RAI14: variants seen among roughly 807,000 people sequenced by gnomAD.
RAI14 encodes retinoic acid induced 14.
A neutral mutation model predicts 115.4 loss-of-function variants in RAI14; 45 were observed. The observed-to-expected ratio is 0.39, with a 90% CI of 0.31 to 0.50. The LOEUF (loss-of-function observed/expected upper bound fraction) is 0.50. Among genes scored for constraint, RAI14 ranks in the 20% least tolerant of loss-of-function variants. The pLI is 0.85. For missense variants in RAI14, 939 were observed against 1,131.2 expected, an observed-to-expected ratio of 0.83 and a Z score of 2.44; for synonymous variants, 371 against 415.4, an observed-to-expected ratio of 0.89 and a Z score of 1.30.
At chr5:34,804,980 A>C (rs965135102) in intron 5 of RAI14, among the ~76,000 whole-genome samples, 1 of 152,198 alleles carries the variant, frequency 6.6e-6, no homozygotes, top group Non-Finnish European at 1.5e-5. Context: ...GACAAGCTGG[A>C]TGTTCTCGTG....
chr5:34,802,110 GC>G (rs1754343675), intron 4 of RAI14, among the ~76,000 whole-genome samples: 1 of 152,124 alleles, frequency 6.6e-6, no homozygotes, highest in Admixed American at 6.5e-5. Flanking sequence ...GCTTGATATT[GC>G]CCCCCAGGGG....
chr5:34,799,528 ACACACACACAC>A (rs775630815), intron 4 of RAI14, among the ~76,000 whole-genome samples: 2,956 of 97,914 alleles, frequency 0.03, 92 homozygotes, highest in African/African-American at 0.075. Context: ...ACACACACAC[ACACACACACAC>A]AAAACCACCT....
At chr5:34,773,114 GT>G in intron 3 of RAI14, among the ~76,000 whole-genome samples, 1 of 152,024 alleles carries the variant, frequency 6.6e-6, no homozygotes, top group Non-Finnish European at 1.5e-5. Context: ...GGCTAAGTTT[GT>G]TTTCAAACAA....
intron 2 of RAI14, among the ~76,000 whole-genome samples, chr5:34,742,695 A>C (rs113820394): frequency 0.035 from 5,287 of 151,854 alleles, 271 homozygotes; most frequent in African/African-American, 0.12. Context: ...ATGGAGTCTC[A>C]CTCTGTCGCC....
chr5:34,773,995 T>A (rs1750515595), intron 3 of RAI14, among the ~76,000 whole-genome samples: 1 of 152,166 alleles, frequency 6.6e-6, no homozygotes, highest in South Asian at 2.1e-4. Context: ...AAGTTATTCT[T>A]GTTTGCAGAT....
intron 2 of RAI14, among the ~76,000 whole-genome samples, chr5:34,751,994 C>T (rs576384199): frequency 1.5e-4 from 23 of 152,220 alleles, no homozygotes; most frequent in African/African-American, 5.3e-4. Context: ...TCCAGGGCTC[C>T]ACCCCAGACT....
At chr5:34,779,826 A>G (rs190657451) in intron 3 of RAI14, among the ~76,000 whole-genome samples, 292 of 152,326 alleles carry the variant, frequency 1.9e-3, no homozygotes, top group African/African-American at 6.7e-3. Context: ...TGCCATCCCC[A>G]TCAAGCTACC....
intron 3 of RAI14, among the ~76,000 whole-genome samples, chr5:34,765,192 G>A (rs1749201707): frequency 1.3e-5 from 2 of 152,152 alleles, no homozygotes; most frequent in Admixed American, 6.5e-5. Flanking sequence ...CATGAAAATG[G>A]ACTAACATAG....
chr5:34,712,742 A>G (rs761197601), intron 2 of RAI14, among the ~76,000 whole-genome samples: 8 of 152,190 alleles, frequency 5.3e-5, no homozygotes, highest in Non-Finnish European at 1.2e-4. Context: ...GTTTGTGACA[A>G]ACGGGTTTGG....
chr5:34,736,684 T>A (rs982314395), intron 2 of RAI14, among the ~76,000 whole-genome samples: 1 of 152,176 alleles, frequency 6.6e-6, no homozygotes, highest in African/African-American at 2.4e-5. Flanking sequence ...ATTACAGGCA[T>A]GAGCCATCAT....
intron 2 of RAI14, among the ~76,000 whole-genome samples, chr5:34,744,489 C>T (rs1019374683): frequency 3.9e-5 from 6 of 152,106 alleles, no homozygotes; most frequent in African/African-American, 1.4e-4. Flanking sequence ...TCTCCCTCGC[C>T]CCAGTGACCA....
At chr5:34,808,753 C>A in intron 7 of RAI14, 99 bp downstream of exon 7, 1 of 1,175,812 alleles carries the variant, frequency 8.5e-7, no homozygotes, top group Non-Finnish European at 1.2e-6. Context: ...TAGCAGTCTC[C>A]AACCTTTTTG....
chr5:34,775,038 ATGG>A (rs1321142782), intron 3 of RAI14, among the ~76,000 whole-genome samples: 2 of 152,206 alleles, frequency 1.3e-5, no homozygotes, highest in African/African-American at 4.8e-5. Context: ...TCTTCAGTAA[ATGG>A]TGGTGGGAAA....
At chr5:34,736,738 G>GA (rs1744929348) in intron 2 of RAI14, among the ~76,000 whole-genome samples, 1 of 152,218 alleles carries the variant, frequency 6.6e-6, no homozygotes, top group Non-Finnish European at 1.5e-5. Flanking sequence ...ATAACAGTGA[G>GA]AAAAAACACC....
At chr5:34,796,926 T>C (rs1580291560) in intron 4 of RAI14, among the ~76,000 whole-genome samples, 1 of 152,320 alleles carries the variant, frequency 6.6e-6, no homozygotes, top group East Asian at 1.9e-4. Flanking sequence ...GCCAGTCAAC[T>C]GGTATTTTTT....
intron 2 of RAI14, among the ~76,000 whole-genome samples, chr5:34,755,099 T>C (rs939097141): frequency 2.0e-5 from 3 of 151,270 alleles, no homozygotes; most frequent in Admixed American, 2.0e-4. Flanking sequence ...TTCCCTTTTT[T>C]CTTTGCTTGT....
At position 34,741,829 on chromosome 5, in the gene RAI14, G is replaced by A. The variant is rs368444004; in HGVS notation, c.37-15639G>A. ...AGTTGGCATGGGAAGAGGGAAGAGG[G>A]GAAGTGAAGCAGGGAAGACAAGTTA... On this transcript the variant is annotated intron_variant, in intron 2 of 17. Transcript: ENST00000265109. Among the ~76,000 whole-genome samples the A allele has an allele frequency of 3.3e-5, 5 of 152,110 alleles. No homozygotes were observed. The East Asian group carries it at 9.6e-4, about 29-fold the overall frequency.
intron 2 of RAI14, among the ~76,000 whole-genome samples, chr5:34,752,747 G>GTATATATATA (rs1401812633): frequency 7.3e-5 from 8 of 109,558 alleles, no homozygotes; most frequent in African/African-American, 3.0e-4. Context: ...GTGTGTGTGT[G>GTATATATATA]TGTATATATA....
At chr5:34,709,129 CAAAAAAAA>C (rs35361351) in intron 2 of RAI14, among the ~76,000 whole-genome samples, 2 of 96,040 alleles carry the variant, frequency 2.1e-5, no homozygotes, top group African/African-American at 7.5e-5. Flanking sequence ...GACCCTATCT[CAAAAAAAA>C]AAAAAAAAAA....
Sources: gnomAD v4.1 joint callset for allele counts (sites outside exome capture counted in the v4.1 genomes callset) on GRCh38, gnomAD v4.1.1 for gene constraint, MANE v1.5 for transcripts, NCBI Gene and HGNC (gene_info 2026-07-23, HGNC 2026-07-21) for gene names.